The following SCAPER variants were observed in gnomAD, a reference collection of about 807,000 sequenced individuals.
SCAPER encodes S-phase cyclin A associated protein in the ER.
A neutral mutation model predicts 182.2 loss-of-function variants in SCAPER; 98 were observed. That is an observed-to-expected ratio of 0.54 (90% CI 0.46 to 0.64). The LOEUF is 0.64. Among genes scored for constraint, SCAPER ranks in the 30% least tolerant of loss-of-function variants. The probability of loss-of-function intolerance (pLI) is 0.00; values close to 1 mark genes in which losing one functional copy is unlikely to be tolerated. For missense variants in SCAPER, 1,432 were observed against 1,690.0 expected, an observed-to-expected ratio of 0.85 and a Z score of 2.68; for synonymous variants, 605 against 564.6, an observed-to-expected ratio of 1.07 and a Z score of -1.01.
At chr15:76,451,423 A>C (rs1460728376) in intron 25 of SCAPER, among the ~76,000 whole-genome samples, 1 of 152,214 alleles carries the variant, frequency 6.6e-6, no homozygotes, top group Non-Finnish European at 1.5e-5. Flanking sequence ...TGTTTATAAG[A>C]AACTGCCAAA....
At chr15:76,558,583 A>G (rs1232665067) in intron 23 of SCAPER, among the ~76,000 whole-genome samples, 1 of 152,214 alleles carries the variant, frequency 6.6e-6, no homozygotes, top group African/African-American at 2.4e-5. Context: ...GTGGGAAAGT[A>G]AGTTAGTTCA....
chr15:76,411,779 T>C (rs2045309418), intron 26 of SCAPER, among the ~76,000 whole-genome samples: 1 of 152,178 alleles, frequency 6.6e-6, no homozygotes, highest in South Asian at 2.1e-4. Flanking sequence ...CTTACCAACA[T>C]CTGGTATCAT....
intron 24 of SCAPER, among the ~76,000 whole-genome samples, chr15:76,489,260 C>T (rs562082729): frequency 3.6e-5 from 5 of 139,152 alleles, no homozygotes; most frequent in Non-Finnish European, 7.8e-5. Flanking sequence ...ATTACTTTTG[C>T]ACCAACCTAA....
intron 8 of SCAPER, among the ~76,000 whole-genome samples, chr15:76,781,023 G>A (rs2064094089): frequency 6.6e-6 from 1 of 152,170 alleles, no homozygotes; most frequent in African/African-American, 2.4e-5. Flanking sequence ...AACAAAGCTG[G>A]ATGGAGGATG....
chr15:76,664,663 T>C (rs943851944), intron 21 of SCAPER, among the ~76,000 whole-genome samples: 4 of 151,988 alleles, frequency 2.6e-5, no homozygotes, highest in African/African-American at 9.7e-5. Flanking sequence ...CCTTAAAACA[T>C]TCAAAAGTAT....
chr15:76,521,081 A>G (rs2042798644), intron 23 of SCAPER, among the ~76,000 whole-genome samples: 3 of 152,216 alleles, frequency 2.0e-5, no homozygotes, highest in African/African-American at 7.2e-5. Flanking sequence ...AGCTAAGAAT[A>G]AATGGTAAAA....
chr15:76,406,811 C>G (rs1010645733), intron 26 of SCAPER, among the ~76,000 whole-genome samples: 4 of 152,182 alleles, frequency 2.6e-5, no homozygotes, highest in Non-Finnish European at 4.4e-5. Flanking sequence ...AAGATGCTAC[C>G]TGCTTGCTAA....
At chr15:76,464,695 T>G (rs1027613502) in intron 25 of SCAPER, among the ~76,000 whole-genome samples, 4 of 152,194 alleles carry the variant, frequency 2.6e-5, no homozygotes, top group Non-Finnish European at 4.4e-5. Context: ...TTGTGAATAA[T>G]GCCGAGGTGA....
intron 21 of SCAPER, among the ~76,000 whole-genome samples, chr15:76,661,088 A>C (rs1474135337): frequency 6.6e-6 from 1 of 152,186 alleles, no homozygotes; most frequent in Non-Finnish European, 1.5e-5. Context: ...CCAATACAAT[A>C]CTATCACAAT....
intron 26 of SCAPER, among the ~76,000 whole-genome samples, chr15:76,429,366 T>C (rs544487247): frequency 1.3e-5 from 2 of 152,070 alleles, no homozygotes; most frequent in Admixed American, 6.6e-5. Flanking sequence ...CAGGTAAAGG[T>C]TGGAACAGTT....
At chr15:76,421,098 T>C (rs1264052386) in intron 26 of SCAPER, among the ~76,000 whole-genome samples, 1 of 152,222 alleles carries the variant, frequency 6.6e-6, no homozygotes, top group Admixed American at 6.5e-5. Context: ...CATGTGTCTT[T>C]ATAGCAGCAT....
intron 5 of SCAPER, among the ~76,000 whole-genome samples, chr15:76,837,312 A>C (rs1276037737): frequency 6.6e-6 from 1 of 152,210 alleles, no homozygotes; most frequent in Non-Finnish European, 1.5e-5. Context: ...CACACTACTA[A>C]TAAAGACATA....
At chr15:76,491,669 T>C (rs1022540596) in intron 24 of SCAPER, among the ~76,000 whole-genome samples, 1 of 152,194 alleles carries the variant, frequency 6.6e-6, no homozygotes, top group African/African-American at 2.4e-5. Flanking sequence ...TCTTGTTCTG[T>C]TGCCCAGGCT....
At chr15:76,524,093 T>TA (rs1421581418) in intron 23 of SCAPER, among the ~76,000 whole-genome samples, 2 of 151,908 alleles carry the variant, frequency 1.3e-5, no homozygotes, top group Non-Finnish European at 1.5e-5. Context: ...TTACTTACTT[T>TA]ACCAGCAAAT....
chr15:76,438,952 A>G (rs750387013), intron 25 of SCAPER, among the ~76,000 whole-genome samples: 3 of 152,180 alleles, frequency 2.0e-5, no homozygotes, highest in Non-Finnish European at 2.9e-5. Context: ...GTCCCTTTGT[A>G]TAGATTTTTC....
At chr15:76,475,429 C>T (rs2050551987) in intron 24 of SCAPER, among the ~76,000 whole-genome samples, 2 of 151,948 alleles carry the variant, frequency 1.3e-5, no homozygotes, top group Admixed American at 1.3e-4. Flanking sequence ...TGGGTTCAAG[C>T]TATTCTCCTG....
intron 22 of SCAPER, among the ~76,000 whole-genome samples, chr15:76,605,256 C>T (rs12903553): frequency 0.38 from 57,655 of 151,872 alleles, 13,005 homozygotes; most frequent in Middle Eastern, 0.52. Context: ...TTGTCAAAGG[C>T]CTTTTCTGCA....
chr15:76,381,333 C>G, intron 28 of SCAPER, 45 bp downstream of exon 28: 1 of 1,516,252 alleles, frequency 6.6e-7, no homozygotes, highest in South Asian at 1.2e-5. Context: ...CACTAAAATA[C>G]TAACTCTTGA....
At chr15:76,624,152 ACT>A (rs1404424546) in intron 21 of SCAPER, among the ~76,000 whole-genome samples, 1 of 152,178 alleles carries the variant, frequency 6.6e-6, no homozygotes, top group African/African-American at 2.4e-5. Flanking sequence ...AACTCTAAAG[ACT>A]CTGCCAAAAG....
Sources: gnomAD v4.1 joint callset for allele counts (sites outside exome capture counted in the v4.1 genomes callset) on GRCh38, gnomAD v4.1.1 for gene constraint, MANE v1.5 for transcripts, NCBI Gene and HGNC (gene_info 2026-07-23, HGNC 2026-07-21) for gene names.